The following AAK1 variants were observed in gnomAD, a reference collection of about 807,000 sequenced individuals.
AAK1 encodes AP2-associated protein kinase 1.
AAK1 carries 37 observed loss-of-function variants against 116.0 expected under a neutral mutation model. That is an observed-to-expected ratio of 0.32 (90% confidence interval 0.25 to 0.42). The LOEUF (loss-of-function observed/expected upper bound fraction) is 0.42. Among genes scored for constraint, AAK1 ranks in the 10% least tolerant of loss-of-function variants. AAK1 has a pLI of 1.00. For missense variants in AAK1, 919 were observed against 1,170.6 expected, an observed-to-expected ratio of 0.79 and a Z score of 3.14; for synonymous variants, 458 against 439.9, an observed-to-expected ratio of 1.04 and a Z score of -0.51.
chr2:69,539,051 C>A (rs189388876), intron 5 of AAK1, among the ~76,000 whole-genome samples: 1 of 152,294 alleles, frequency 6.6e-6, no homozygotes, highest in Non-Finnish European at 1.5e-5. Flanking sequence ...GACAAGCACT[C>A]CCTCATTCAA....
At chr2:69,621,347 T>C (rs1168092422) in intron 2 of AAK1, among the ~76,000 whole-genome samples, 2 of 151,996 alleles carry the variant, frequency 1.3e-5, no homozygotes, top group African/African-American at 4.8e-5. Context: ...GGCTTGGTGG[T>C]GTGCACCTGT....
In AAK1 at chr2:69,643,594, G is replaced by C; in HGVS notation, c.-254C>G. On this transcript the variant is annotated 5_prime_UTR_variant, in exon 1 of 22. Coordinates refer to ENST00000409085, the MANE Select transcript of AAK1 (RefSeq NM_014911.5). ...ACCCACTTGAGACGGCTCGGCGGCCGGCGCCCTGCTACCAGCCCCGCGACA... is the reference window on the plus strand; with the variant it reads ...ACCCACTTGAGACGGCTCGGCGGCCCGCGCCCTGCTACCAGCCCCGCGACA... 1 of 1,228,770 alleles carries C rather than the reference G, an allele frequency of 8.1e-7. No homozygotes were observed. The highest frequency in any genetic ancestry group is 1.0e-6 in the Non-Finnish European group (1 of 986,234). 76.1% of individuals were successfully genotyped at this position (1,228,770 alleles called of 1,614,324 possible).
chr2:69,573,617 A>C (rs1672178403), intron 2 of AAK1, among the ~76,000 whole-genome samples: 1 of 152,238 alleles, frequency 6.6e-6, no homozygotes, highest in Non-Finnish European at 1.5e-5. Context: ...TATGCATAAA[A>C]ACCCAAGAGA....
rs1674534700 is a variant in AAK1, at chr2:69,467,674, C to A, written c.*8195G>T. On this transcript the variant is annotated 3_prime_UTR_variant, in exon 22 of 22. Coordinates refer to ENST00000409085, the MANE Select transcript of AAK1 (RefSeq NM_014911.5). ...GAGATGGAACTCAATGATCCCCTTC[C>A]CATACTGACCCTCTCCCCTCCTATG... is the stretch of plus-strand genomic sequence containing the variant. 1 of 985,384 alleles carries A rather than the reference C, an allele frequency of 1.0e-6. No homozygotes were observed. Among genetic ancestry groups the A allele is most frequent in the South Asian group, 4.7e-5 (1 of 21,282 alleles). The allele number at this position is 985,384 out of a possible 1,614,324, so 61.0% of individuals were successfully genotyped here.
In AAK1 at chr2:69,461,666, C is replaced by T; in HGVS notation, c.*14203G>A. On this transcript the variant is annotated 3_prime_UTR_variant, in exon 22 of 22. Transcript: ENST00000409085. ...CTGGAGTGCAATGACACAATCTTGG[C>T]TCACTGCAAAGTCTGCCTCCCTGGG... is the stretch of plus-strand genomic sequence containing the variant. The T allele has an allele frequency of 2.3e-6, 1 of 433,670 alleles. No individual in the cohort carries two copies. Among genetic ancestry groups the T allele is most frequent in the Admixed American group, 2.5e-5 (1 of 39,368 alleles). 26.9% of individuals were successfully genotyped at this position (433,670 alleles called of 1,614,324 possible). A position where few individuals can be genotyped will look rare whatever the true frequency, so the allele number is the denominator to read the frequency against.
At chr2:69,539,297 G>A (rs1670604363) in intron 5 of AAK1, among the ~76,000 whole-genome samples, 1 of 152,066 alleles carries the variant, frequency 6.6e-6, no homozygotes, top group African/African-American at 2.4e-5. Context: ...TACGGAGGAA[G>A]CTGCCTATGC....
chr2:69,591,627 G>A (rs1015494717), intron 2 of AAK1, among the ~76,000 whole-genome samples: 7 of 147,840 alleles, frequency 4.7e-5, no homozygotes, highest in African/African-American at 1.8e-4. Flanking sequence ...CTGGAGTGCA[G>A]TGGCGCAATC....
At chr2:69,605,423 G>T (rs1260192326) in intron 2 of AAK1, among the ~76,000 whole-genome samples, 2 of 152,134 alleles carry the variant, frequency 1.3e-5, no homozygotes, top group Admixed American at 6.5e-5. Flanking sequence ...TCCTTCTTAT[G>T]CATTTTTTCT....
intron 5 of AAK1, among the ~76,000 whole-genome samples, chr2:69,541,621 G>A (rs1232586377): frequency 6.6e-6 from 1 of 152,086 alleles, no homozygotes; most frequent in Non-Finnish European, 1.5e-5. Context: ...AGAAATGCAG[G>A]TATGCTGCTT....
chr2:69,620,925 T>G (rs1016241231), intron 2 of AAK1, among the ~76,000 whole-genome samples: 1 of 152,228 alleles, frequency 6.6e-6, no homozygotes, highest in African/African-American at 2.4e-5. Flanking sequence ...TTCCTTAAAA[T>G]GATTTGCCCA....
At chr2:69,613,435 A>G (rs962845741) in intron 2 of AAK1, among the ~76,000 whole-genome samples, 2 of 152,164 alleles carry the variant, frequency 1.3e-5, no homozygotes, top group African/African-American at 4.8e-5. Flanking sequence ...TCTTTTTGTA[A>G]GTGAATGAAA....
At chr2:69,583,834 G>A (rs1029211508) in intron 2 of AAK1, among the ~76,000 whole-genome samples, 33 of 151,032 alleles carry the variant, frequency 2.2e-4, no homozygotes, top group African/African-American at 7.8e-4. Context: ...CAAGTTTCTG[G>A]ATATTTTTTC....
intron 2 of AAK1, among the ~76,000 whole-genome samples, chr2:69,573,934 G>A (rs1045512112): frequency 2.0e-5 from 3 of 151,940 alleles, no homozygotes; most frequent in Non-Finnish European, 2.9e-5. Flanking sequence ...GGAGGGTAGA[G>A]CAGTGAGCTG....
chr2:69,497,479 T>A (rs1675796512), intron 16 of AAK1, among the ~76,000 whole-genome samples: 1 of 151,822 alleles, frequency 6.6e-6, no homozygotes, highest in Admixed American at 6.6e-5. Flanking sequence ...TTTTTGTATT[T>A]TTAGTAGAGA....
intron 9 of AAK1, among the ~76,000 whole-genome samples, chr2:69,526,996 A>AT (rs1026525185): frequency 1.3e-5 from 2 of 152,130 alleles, no homozygotes; most frequent in African/African-American, 4.8e-5. Context: ...TCCCTAGGGC[A>AT]TTTTTTTGTT....
chr2:69,574,409 AAGAG>A (rs372913628), intron 2 of AAK1, among the ~76,000 whole-genome samples: 118 of 150,096 alleles, frequency 7.9e-4, no homozygotes, highest in African/African-American at 2.7e-3. Flanking sequence ...AGAGAAGAGA[AAGAG>A]AGAGAGATTG....
chr2:69,483,477 A>C (rs1675173557), intron 17 of AAK1, among the ~76,000 whole-genome samples: 1 of 152,186 alleles, frequency 6.6e-6, no homozygotes, highest in Non-Finnish European at 1.5e-5. Context: ...CCATTCACCA[A>C]CTGAACATTT....
chr2:69,460,511 TA>T lies in AAK1; in HGVS notation c.*15357del, dbSNP rs1387498761. 1 of 152,316 alleles carries T rather than the reference TA, an allele frequency of 6.6e-6. No homozygotes were observed. The highest frequency in any genetic ancestry group is 2.4e-5 in the African/African-American group (1 of 41,438). 9.4% of individuals were successfully genotyped at this position (152,316 alleles called of 1,614,324 possible). A position where few individuals can be genotyped will look rare whatever the true frequency, so the allele number is the denominator to read the frequency against. On this transcript the variant is annotated 3_prime_UTR_variant, in exon 22 of 22. Coordinates refer to ENST00000409085, the MANE Select transcript of AAK1 (RefSeq NM_014911.5). The stretch of plus-strand genomic sequence containing the variant: ...TACATGTATTCTAAAACTTACTAAA[TA>T]ATGGGCCAGTAAGATACCAGTATCT...
intron 2 of AAK1, among the ~76,000 whole-genome samples, chr2:69,592,640 CAA>C (rs1673082816): frequency 6.6e-6 from 1 of 151,964 alleles, no homozygotes; most frequent in Non-Finnish European, 1.5e-5. Context: ...GCAAATAAAA[CAA>C]AACCCACAAA....
Sources: gnomAD v4.1 joint callset for allele counts (sites outside exome capture counted in the v4.1 genomes callset) on GRCh38, gnomAD v4.1.1 for gene constraint, MANE v1.5 for transcripts, NCBI Gene and HGNC (gene_info 2026-07-23, HGNC 2026-07-21) for gene names.